PHACTR3: variants seen among roughly 807,000 people sequenced by gnomAD.
PHACTR3 encodes protein phosphatase 1, regulatory subunit 123.
PHACTR3 carries 16 observed loss-of-function variants against 66.8 expected under a neutral mutation model. The ratio of observed to expected loss-of-function variants is 0.24; its 90% CI spans 0.16 to 0.36. PHACTR3 has a LOEUF of 0.36. Ranked by LOEUF, PHACTR3 falls within the 10% of genes least tolerant of loss-of-function variation. The pLI, the probability that PHACTR3 is intolerant of heterozygous loss-of-function variation, is 1.00. For synonymous variants in PHACTR3, 323 were observed against 292.1 expected (o/e 1.11, Z -1.08); for missense variants, 647 against 719.9 (o/e 0.90, Z 1.16).
intron 1 of PHACTR3, chr20:59,628,162 G>A (rs2034525377): frequency 6.6e-6 from 1 of 152,174 alleles, no homozygotes; most frequent in Admixed American, 6.5e-5. Context: ...GTCCTCCAGG[G>A]ACTGTGTTTC....
intron 1 of PHACTR3, among the ~76,000 whole-genome samples, chr20:59,648,623 A>G (rs946945386): frequency 2.6e-5 from 4 of 152,284 alleles, no homozygotes; most frequent in African/African-American, 9.6e-5. Flanking sequence ...TGATGATAGC[A>G]TTTGTTTTTC....
chr20:59,617,723 A>G (rs959901635), intron 1 of PHACTR3, among the ~76,000 whole-genome samples: 1 of 152,174 alleles, frequency 6.6e-6, no homozygotes, highest in African/African-American at 2.4e-5. Flanking sequence ...TTCTGTCCAC[A>G]ATTGAGAGTC....
At chr20:59,606,312 C>G (rs371413177) in intron 1 of PHACTR3, among the ~76,000 whole-genome samples, 19 of 145,592 alleles carry the variant, frequency 1.3e-4, no homozygotes, top group African/African-American at 4.1e-4. Context: ...CTCCCCCCCC[C>G]ATTTGAAAAT....
Position 59,685,601 on chromosome 20 carries a change from G to T in PHACTR3, c.119-57506G>T, listed in dbSNP as rs73142817. Among the ~76,000 whole-genome samples the T allele has an allele frequency of 3.3e-5, 5 of 152,178 alleles. No homozygotes were observed. In the East Asian group the frequency reaches 7.7e-4, roughly 24 times the overall value. The stretch of plus-strand genomic sequence containing the variant: ...ATTTTCCTGTTGATCCTGGAGTTCC[G>T]GCCACTCTGGCCTCTGCTCACATAG... On this transcript the variant is annotated intron_variant, in intron 1 of 12. Transcript: ENST00000371015.
At chr20:59,622,992 A>AAAAAAAAAAAAAAAAAAC (rs1371507011) in intron 1 of PHACTR3, among the ~76,000 whole-genome samples, 3 of 145,178 alleles carry the variant, frequency 2.1e-5, no homozygotes, top group Non-Finnish European at 4.6e-5. Context: ...AAAAAAAAAA[A>AAAAAAAAAAAAAAAAAAC]AAAAAAAAAC....
intron 1 of PHACTR3, chr20:59,676,611 C>G (rs1046841647): frequency 5.1e-6 from 4 of 791,062 alleles, no homozygotes; most frequent in Admixed American, 1.2e-4. Context: ...GAGCGAGTCC[C>G]CAGGAGCAAG....
chr20:59,730,198 G>A (rs560583257), intron 1 of PHACTR3, among the ~76,000 whole-genome samples: 13 of 152,254 alleles, frequency 8.5e-5, no homozygotes, highest in African/African-American at 2.9e-4. Context: ...TACATCAAGA[G>A]CTAATTAAAA....
intron 1 of PHACTR3, among the ~76,000 whole-genome samples, chr20:59,667,914 A>C (rs1440367777): frequency 1.3e-5 from 2 of 152,206 alleles, no homozygotes; most frequent in Non-Finnish European, 2.9e-5. Flanking sequence ...ATAAGCAGTG[A>C]ATTCTGCAGG....
intron 3 of PHACTR3, among the ~76,000 whole-genome samples, chr20:59,749,136 G>A (rs955703181): frequency 9.2e-5 from 14 of 152,166 alleles, no homozygotes; most frequent in African/African-American, 2.7e-4. Context: ...CGGATTTGGC[G>A]GAATGCGGTT....
Position 59,830,784 on chromosome 20 carries a change from CAAGT to C in PHACTR3, c.1329-5717_1329-5714del, listed in dbSNP as rs1027169681. Reference sequence around the variant, plus strand: ...GTGTTCACCTGGGGAATCAGAGGCTCAAGTAAGGGAGGGCGTGACGCCATCACCC... The same window carrying C: ...GTGTTCACCTGGGGAATCAGAGGCTCAAGGGAGGGCGTGACGCCATCACCC... On this transcript the variant is annotated intron_variant, in intron 8 of 12. Transcript: ENST00000371015. The surrounding 1 kb of genome is among the most constrained non-coding windows in gnomAD (Gnocchi z 5.8). 3.3e-5 allele frequency among the ~76,000 whole-genome samples: 5 copies of C among 152,162 alleles called. No individual in the cohort carries two copies. The highest frequency in any genetic ancestry group is 7.3e-5 in the Non-Finnish European group (5 of 68,032).
intron 3 of PHACTR3, among the ~76,000 whole-genome samples, chr20:59,752,033 C>G (rs2039611650): frequency 6.6e-6 from 1 of 152,164 alleles, no homozygotes; most frequent in Non-Finnish European, 1.5e-5. Flanking sequence ...AATTTCCTAC[C>G]CCGTCATTGG....
rs571080892 is a variant in PHACTR3 at position 59,820,869 on chromosome 20, T to A, written c.1328+14675T>A. Reference sequence around the variant, plus strand: ...TTGGAGGCTGCCTGGCTGAGAGCCATGGGCTGAGTGAGCCCAGGGAAGTCA... The same window carrying A: ...TTGGAGGCTGCCTGGCTGAGAGCCAAGGGCTGAGTGAGCCCAGGGAAGTCA... On this transcript the variant is annotated intron_variant, in intron 8 of 12. Transcript: ENST00000371015. This position sits in a 1 kb window ranked among gnomAD's most constrained non-coding sequence, Gnocchi z 4.6. Among the ~76,000 whole-genome samples, 6 of 152,320 alleles carry A rather than the reference T, an allele frequency of 3.9e-5. No individual in the cohort carries two copies. In the South Asian group the frequency reaches 1.0e-3, roughly 26 times the overall value.
chr20:59,704,562 C>CT (rs11331156), intron 1 of PHACTR3, among the ~76,000 whole-genome samples: 2,855 of 89,442 alleles, frequency 0.032, 78 homozygotes, highest in Admixed American at 0.041. Context: ...TGAGAATAGT[C>CT]TTTTTTTTTT....
chr20:59,605,870 T>A (rs1045051298), intron 1 of PHACTR3, among the ~76,000 whole-genome samples: 2 of 30,192 alleles, frequency 6.6e-5, no homozygotes, highest in East Asian at 1.8e-3. Flanking sequence ...GGGGGGGGGG[T>A]GGGCTGTGTG....
upstream of PHACTR3, among the ~76,000 whole-genome samples, chr20:59,603,230 C>T (rs1388993199): frequency 1.3e-5 from 2 of 152,176 alleles, no homozygotes; most frequent in African/African-American, 4.8e-5. Context: ...TTCTCGGCTT[C>T]ACCCTCCCCC....
At chr20:59,637,096 G>T (rs2034924838) in intron 1 of PHACTR3, among the ~76,000 whole-genome samples, 1 of 152,222 alleles carries the variant, frequency 6.6e-6, no homozygotes, top group South Asian at 2.1e-4. Context: ...GGGGCTGTCT[G>T]CCCCAGCTTG....
intron 7 of PHACTR3, among the ~76,000 whole-genome samples, chr20:59,795,407 ATT>A (rs56294943): frequency 0.97 from 148,337 of 152,182 alleles, 72,324 homozygotes; most frequent in East Asian, 1. Flanking sequence ...GGCCTAATAT[ATT>A]ATCTAGGAGA....
At chr20:59,710,891 T>G in intron 1 of PHACTR3, among the ~76,000 whole-genome samples, 1 of 141,656 alleles carries the variant, frequency 7.1e-6, no homozygotes, top group East Asian at 2.1e-4. Flanking sequence ...TCAGAAAGAT[T>G]TTGGGGGAAA....
chr20:59,837,458 T>A (rs982710415), intron 9 of PHACTR3, among the ~76,000 whole-genome samples: 11 of 152,316 alleles, frequency 7.2e-5, no homozygotes, highest in South Asian at 4.1e-4. Flanking sequence ...TCCTCCCTCC[T>A]TTCTTTGCCT....
Sources: allele counts gnomAD v4.1 joint callset (sites outside exome capture counted in the v4.1 genomes callset), GRCh38; gene constraint gnomAD v4.1.1; non-coding constraint Gnocchi (gnomAD v3.1); transcripts MANE v1.5; gene names NCBI Gene and HGNC (gene_info 2026-07-23, HGNC 2026-07-21).